The following NOL10 variants were observed in gnomAD, a reference collection of about 807,000 sequenced individuals.
NOL10 encodes nucleolar protein 10.
NOL10 carries 58 observed loss-of-function variants against 103.5 expected under a neutral mutation model. The observed-to-expected ratio is 0.56, with a 90% CI of 0.45 to 0.70. The LOEUF is 0.70. Ranked by LOEUF, NOL10 falls within the 30% of genes least tolerant of loss-of-function variation. The pLI is 0.00. For synonymous variants in NOL10, 287 were observed against 282.5 expected (o/e 1.02, Z -0.16); for missense variants, 763 against 807.3 (o/e 0.95, Z 0.67).
chr2:10,615,126 T>A (rs1457025504), intron 13 of NOL10, among the ~76,000 whole-genome samples: 9 of 152,258 alleles, frequency 5.9e-5, no homozygotes, highest in Admixed American at 5.9e-4. Flanking sequence ...TAATTGCATA[T>A]CCAAGTTTAC....
intron 19 of NOL10, among the ~76,000 whole-genome samples, chr2:10,580,738 C>G (rs918820165): frequency 1.3e-5 from 2 of 152,198 alleles, no homozygotes; most frequent in Non-Finnish European, 1.5e-5. Flanking sequence ...TACGAACACA[C>G]GCGCACACAC....
intron 3 of NOL10, among the ~76,000 whole-genome samples, chr2:10,677,869 G>GTA (rs1491277185): frequency 5.0e-5 from 7 of 140,456 alleles, no homozygotes; most frequent in African/African-American, 1.1e-4. Context: ...GTGTGTGTGT[G>GTA]TGTATACACA....
At chr2:10,609,249 T>TAA (rs58851320) in intron 13 of NOL10, among the ~76,000 whole-genome samples, 17 of 149,984 alleles carry the variant, frequency 1.1e-4, no homozygotes, top group African/African-American at 3.5e-4. Flanking sequence ...GAAGATGGCT[T>TAA]AAAAAAAACT....
At chr2:10,583,774 C>T (rs758904756) in intron 19 of NOL10, among the ~76,000 whole-genome samples, 2 of 152,198 alleles carry the variant, frequency 1.3e-5, no homozygotes, top group Non-Finnish European at 2.9e-5. Context: ...TGGGATGATT[C>T]TAATGGTTTG....
chr2:10,587,146 TATACATATATAC>T (rs1675115270), intron 19 of NOL10, among the ~76,000 whole-genome samples: 1 of 42,540 alleles, frequency 2.4e-5, no homozygotes, highest in African/African-American at 1.1e-4. Flanking sequence ...TACACATATA[TATACATATATAC>T]ACATATATAC....
intron 19 of NOL10, among the ~76,000 whole-genome samples, chr2:10,586,953 TA>T (rs59774295): frequency 0.03 from 4,295 of 142,898 alleles, 101 homozygotes; most frequent in African/African-American, 0.077. Context: ...CAAGAAGGTT[TA>T]AAAAAAAAAT....
intron 12 of NOL10, among the ~76,000 whole-genome samples, chr2:10,649,679 T>C (rs914323637): frequency 6.6e-6 from 1 of 152,126 alleles, no homozygotes; most frequent in Non-Finnish European, 1.5e-5. Context: ...ATATTAGTAA[T>C]ATGGACCAGG....
At chr2:10,637,405 T>C (rs909038389) in intron 13 of NOL10, among the ~76,000 whole-genome samples, 9 of 152,122 alleles carry the variant, frequency 5.9e-5, no homozygotes, top group Admixed American at 2.0e-4. Flanking sequence ...TTCAAAAGCA[T>C]CTCCCTGACA....
At chr2:10,595,503 C>T (rs1477945157) in intron 17 of NOL10, among the ~76,000 whole-genome samples, 7 of 152,102 alleles carry the variant, frequency 4.6e-5, no homozygotes, top group Non-Finnish European at 8.8e-5. Flanking sequence ...CACCATGTTG[C>T]CCAGGCTGGT....
chr2:10,669,065 G>GT (rs1390167752), intron 6 of NOL10, among the ~76,000 whole-genome samples: 1 of 151,952 alleles, frequency 6.6e-6, no homozygotes, highest in Non-Finnish European at 1.5e-5. Context: ...TCTGGGTGGT[G>GT]TAATTATGGC....
At position 10,594,618 on chromosome 2, in the gene NOL10, G is replaced by C. The variant is rs539130486; in HGVS notation, c.1423-4867C>G. Among the ~76,000 whole-genome samples, 106 of 152,294 alleles carry C rather than the reference G, an allele frequency of 7.0e-4. 1 individual carries two copies. Among genetic ancestry groups the C allele is most frequent in the African/African-American group, 2.5e-3 (102 of 41,560 alleles). ...ATAACTACATAGAAAACGAGCAAGA[G>C]AGACAATTATTAACTTCAAAGTACA... On this transcript the variant is annotated intron_variant, in intron 17 of 20. Transcript: ENST00000381685.
chr2:10,660,423 TCTC>T (rs1680121013), intron 9 of NOL10, among the ~76,000 whole-genome samples: 1 of 152,098 alleles, frequency 6.6e-6, no homozygotes, highest in Non-Finnish European at 1.5e-5. Context: ...TTCAAGCAAT[TCTC>T]CTGCTTCAGC....
intron 13 of NOL10, among the ~76,000 whole-genome samples, chr2:10,610,802 T>G (rs559676618): frequency 6.6e-6 from 1 of 152,312 alleles, no homozygotes; most frequent in South Asian, 2.1e-4. Context: ...AATATATTAA[T>G]TTACTTTCTA....
intron 1 of NOL10, among the ~76,000 whole-genome samples, chr2:10,685,952 C>T (rs1354079568): frequency 9.8e-6 from 1 of 101,872 alleles, no homozygotes; most frequent in African/African-American, 2.7e-5. Flanking sequence ...GTCCCAGCTA[C>T]TCAGTAGGCT....
At chr2:10,689,514 A>G (rs943542466) in intron 1 of NOL10, among the ~76,000 whole-genome samples, 2 of 152,176 alleles carry the variant, frequency 1.3e-5, no homozygotes, top group African/African-American at 2.4e-5. Context: ...AGAGGCCCAA[A>G]TGGTTGCGTT....
intron 14 of NOL10, among the ~76,000 whole-genome samples, chr2:10,603,646 T>A (rs533608910): frequency 6.6e-6 from 1 of 152,118 alleles, no homozygotes; most frequent in African/African-American, 2.4e-5. Flanking sequence ...TATATAAACA[T>A]ACATACATGC....
chr2:10,595,957 A>G (rs1256520046), intron 17 of NOL10, among the ~76,000 whole-genome samples: 1 of 152,148 alleles, frequency 6.6e-6, no homozygotes, highest in Non-Finnish European at 1.5e-5. Flanking sequence ...ATGCATGTAT[A>G]ACTGTAATTT....
intron 20 of NOL10, 85 bp from the exon 21 acceptor site, chr2:10,572,275 C>T (rs1212902118): frequency 7.1e-7 from 1 of 1,414,730 alleles, no homozygotes; most frequent in African/African-American, 1.4e-5. Context: ...CCAACAGTAC[C>T]ACCACCAATC....
chr2:10,667,308 A>C (rs145450805), intron 7 of NOL10, 30 bp from the exon 8 acceptor site: 1 of 1,483,456 alleles, frequency 6.7e-7, no homozygotes, highest in Non-Finnish European at 9.3e-7. Flanking sequence ...AGAAAGAATG[A>C]ATTAGTTAGC....
Sources: allele counts gnomAD v4.1 joint callset (sites outside exome capture counted in the v4.1 genomes callset), GRCh38; gene constraint gnomAD v4.1.1; transcripts MANE v1.5; gene names NCBI Gene and HGNC (gene_info 2026-07-23, HGNC 2026-07-21).